ATXN7L1: variants seen among roughly 807,000 people sequenced by gnomAD.
ATXN7L1 encodes the protein ataxin-7-like protein 1.
In ATXN7L1, 15 loss-of-function variants were observed where a neutral mutation model predicts 70.8. The ratio of observed to expected loss-of-function variants is 0.21; its 90% CI spans 0.14 to 0.33. ATXN7L1 has a LOEUF of 0.33. ATXN7L1 is among the 10% of genes least tolerant of loss of function. ATXN7L1 has a pLI of 1.00. For missense variants in ATXN7L1, 975 were observed against 1,097.1 expected (o/e 0.89, Z 1.57); for synonymous variants, 440 against 445.1 (o/e 0.99, Z 0.14).
chr7:105,785,720 G>A (rs927940660), intron 3 of ATXN7L1, among the ~76,000 whole-genome samples: 1 of 152,194 alleles, frequency 6.6e-6, no homozygotes, highest in Non-Finnish European at 1.5e-5. Flanking sequence ...GGTCATGAGA[G>A]TGGAGCCCCC....
chr7:105,776,073 T>C (rs1333146399), intron 3 of ATXN7L1, among the ~76,000 whole-genome samples: 1 of 152,210 alleles, frequency 6.6e-6, no homozygotes, highest in Non-Finnish European at 1.5e-5. Context: ...AGATGACCTT[T>C]TGAATCAGCG....
At chr7:105,751,471 A>G (rs1285474016) in intron 3 of ATXN7L1, among the ~76,000 whole-genome samples, 1 of 151,982 alleles carries the variant, frequency 6.6e-6, no homozygotes, top group Non-Finnish European at 1.5e-5. Flanking sequence ...CGTCTCTACT[A>G]AAAATACAAA....
intron 8 of ATXN7L1, 101 bp downstream of exon 8, chr7:105,623,974 G>T: frequency 8.9e-7 from 1 of 1,122,372 alleles, no homozygotes. Flanking sequence ...ACACTGCGCA[G>T]GCAGCCTTGC....
In ATXN7L1 at chr7:105,605,042, C is replaced by CGGTTTTT; in HGVS notation, c.*2809_*2810insAAAAACC. On this transcript the variant is annotated 3_prime_UTR_variant, in exon 12 of 12. Transcript: ENST00000419735. Reference sequence around the variant, plus strand: ...GAAGGCATACAAGTTATCCAAGTCGCTTTTTTTTTTTTTTTTTTTTTTTTA... The same window carrying CGGTTTTT: ...GAAGGCATACAAGTTATCCAAGTCGCGGTTTTTTTTTTTTTTTTTTTTTTTTTTTTTA... 1 of 71,560 alleles carries CGGTTTTT rather than the reference C, an allele frequency of 1.4e-5. No individual in the cohort carries two copies. Among genetic ancestry groups the CGGTTTTT allele is most frequent in the East Asian group, 5.7e-4 (1 of 1,748 alleles). 4.4% of individuals were successfully genotyped at this position (71,560 alleles called of 1,614,324 possible). A position where few individuals can be genotyped will look rare whatever the true frequency, so the allele number is the denominator to read the frequency against.
chr7:105,778,429 T>C (rs751080554), intron 3 of ATXN7L1, among the ~76,000 whole-genome samples: 1 of 147,186 alleles, frequency 6.8e-6, no homozygotes, highest in Non-Finnish European at 1.5e-5. Context: ...GAGGATCACC[T>C]GAGCCTGGGA....
At chr7:105,758,332 C>A (rs1436073659) in intron 3 of ATXN7L1, among the ~76,000 whole-genome samples, 1 of 152,182 alleles carries the variant, frequency 6.6e-6, no homozygotes, top group Admixed American at 6.5e-5. Flanking sequence ...ATCCTCATAC[C>A]ACCTCTCTGA....
intron 8 of ATXN7L1, among the ~76,000 whole-genome samples, chr7:105,621,780 C>T (rs964543208): frequency 6.6e-6 from 1 of 152,204 alleles, no homozygotes; most frequent in Non-Finnish European, 1.5e-5. Context: ...CTCTCCCAGA[C>T]ACAGGGCTGG....
intron 3 of ATXN7L1, among the ~76,000 whole-genome samples, chr7:105,696,888 AAG>A (rs1315347879): frequency 5.3e-5 from 8 of 152,196 alleles, no homozygotes; most frequent in Non-Finnish European, 8.8e-5. Context: ...CAGAGTACAA[AAG>A]AGAGAAATTT....
chr7:105,778,071 G>C (rs1247775813), intron 3 of ATXN7L1, among the ~76,000 whole-genome samples: 1 of 152,106 alleles, frequency 6.6e-6, no homozygotes, highest in African/African-American at 2.4e-5. Context: ...AACAGTGCCT[G>C]GCATATAGCA....
At chr7:105,628,220 T>C (rs2115836341) in intron 7 of ATXN7L1, among the ~76,000 whole-genome samples, 1 of 152,224 alleles carries the variant, frequency 6.6e-6, no homozygotes, top group East Asian at 1.9e-4. Context: ...CATCAAAACA[T>C]ATCATCAAAA....
chr7:105,718,783 TG>T (rs777170843), intron 3 of ATXN7L1, among the ~76,000 whole-genome samples: 7 of 152,192 alleles, frequency 4.6e-5, no homozygotes, highest in Non-Finnish European at 8.8e-5. Context: ...TGCCAAGGCC[TG>T]GGTCCAGGCT....
At chr7:105,691,919 A>T (rs1563008930) in intron 3 of ATXN7L1, among the ~76,000 whole-genome samples, 1 of 152,270 alleles carries the variant, frequency 6.6e-6, no homozygotes, top group Non-Finnish European at 1.5e-5. Flanking sequence ...AGAAGTTCAT[A>T]GAACTGACCC....
At chr7:105,633,448 T>C (rs753748918) in intron 7 of ATXN7L1, among the ~76,000 whole-genome samples, 6 of 152,210 alleles carry the variant, frequency 3.9e-5, no homozygotes, top group Non-Finnish European at 8.8e-5. Flanking sequence ...CTGGGTGCGG[T>C]GGCTCACGCC....
Position 105,638,204 on chromosome 7 carries a change from C to T in ATXN7L1, c.1202+149G>A. The T allele has an allele frequency of 4.4e-6, 5 of 1,145,820 alleles. No homozygotes were observed. The South Asian group carries it at 6.9e-5, about 16-fold the overall frequency. The allele number at this position is 1,145,820 out of a possible 1,614,324, so 71.0% of individuals were successfully genotyped here. A position where few individuals can be genotyped will look rare whatever the true frequency, so the allele number is the denominator to read the frequency against. The stretch of plus-strand genomic sequence containing the variant: ...AGCACTGGGCTGGGCCTCTTATGTA[C>T]ATTATCTCATTTAAACTTTACTACT... On this transcript the variant is annotated intron_variant, in intron 7 of 11. Coordinates refer to ENST00000419735, the MANE Select transcript of ATXN7L1 (RefSeq NM_020725.2).
At chr7:105,701,125 G>A (rs1319441902) in intron 3 of ATXN7L1, among the ~76,000 whole-genome samples, 1 of 151,588 alleles carries the variant, frequency 6.6e-6, no homozygotes, top group Admixed American at 6.6e-5. Flanking sequence ...TCTTATATTG[G>A]TTTCTAAAAA....
intron 3 of ATXN7L1, among the ~76,000 whole-genome samples, chr7:105,768,291 G>A (rs763724740): frequency 6.6e-6 from 1 of 152,188 alleles, no homozygotes; most frequent in Non-Finnish European, 1.5e-5. Context: ...CCATTCCATA[G>A]ATGGGCAAAC....
At chr7:105,665,024 A>G in intron 4 of ATXN7L1, 42 bp downstream of exon 4, 1 of 1,494,230 alleles carries the variant, frequency 6.7e-7, no homozygotes, top group Non-Finnish European at 9.1e-7. Flanking sequence ...CAGGAACAGC[A>G]GGGGGGACAG....
chr7:105,778,915 T>C (rs1329688375), intron 3 of ATXN7L1, among the ~76,000 whole-genome samples: 6 of 152,222 alleles, frequency 3.9e-5, no homozygotes. Flanking sequence ...CTCAAAATTG[T>C]GTTCAAGTTC....
rs78295997 is a variant in ATXN7L1 at position 105,634,300 on chromosome 7, C to T, written c.1202+4053G>A. ...ATGATGGGTCTTGTCCAGTTCAACT[C>T]AGGGAAATGCAGAGAAAATCCCACC... On this transcript the variant is annotated intron_variant, in intron 7 of 11. Transcript: ENST00000419735. Among the ~76,000 whole-genome samples the T allele has an allele frequency of 6.7e-3, 1,022 of 152,304 alleles. 9 individuals are homozygous for T. The highest frequency in any genetic ancestry group is 0.023 in the African/African-American group (972 of 41,550).
Sources: allele counts gnomAD v4.1 joint callset (sites outside exome capture counted in the v4.1 genomes callset), GRCh38; gene constraint gnomAD v4.1.1; transcripts MANE v1.5; gene names NCBI Gene and HGNC (gene_info 2026-07-23, HGNC 2026-07-21).